The following NBPF9 variants were observed in gnomAD, a reference collection of about 807,000 sequenced individuals.
The protein encoded by NBPF9 is NBPF family member NBPF9.
In NBPF9, 91 loss-of-function variants were observed where a neutral mutation model predicts 97.8. The ratio of observed to expected loss-of-function variants is 0.93; its 90% confidence interval spans 0.79 to 1.11. The LOEUF is 1.11. Ranked by LOEUF, NBPF9 falls within the 50% of genes least tolerant of loss-of-function variation. NBPF9 has a pLI of 0.00. For missense variants in NBPF9, 992 were observed against 939.5 expected (o/e 1.06, Z -0.73); for synonymous variants, 334 against 359.5 (o/e 0.93, Z 0.80).
At chr1:149,090,147 C>T (rs1468861814) in intron 5 of NBPF9, 2 of 150,154 alleles carry the variant, frequency 1.3e-5, no homozygotes, top group Admixed American at 6.7e-5. Flanking sequence ...GCAGACCCAT[C>T]CCTGCTTCTC....
At chr1:149,090,668 A>C in intron 5 of NBPF9, 85 bp downstream of exon 5, 1 of 568,886 alleles carries the variant, frequency 1.8e-6, no homozygotes, top group Non-Finnish European at 3.1e-6. Context: ...GGGCTAGATT[A>C]GAGAGAAAAA....
chr1:149,088,837 G>A (rs2152919148), intron 5 of NBPF9, among the ~76,000 whole-genome samples: 1 of 151,782 alleles, frequency 6.6e-6, no homozygotes, highest in East Asian at 1.9e-4. Context: ...TCTTCCCCAA[G>A]GGATCCAATC....
exon 16 of NBPF9, chr1:149,071,088 T>C (rs781928479): frequency 7.5e-6 from 12 of 1,610,016 alleles, no homozygotes; most frequent in African/African-American, 4.0e-5. Context: ...TGATGGCACA[T>C]TCCTCCAGTG....
intron 1 of NBPF9, among the ~76,000 whole-genome samples, 195 bp downstream of exon 1, chr1:149,103,106 G>A (rs1383440986): frequency 1.3e-5 from 2 of 152,026 alleles, no homozygotes; most frequent in East Asian, 2.0e-4. Context: ...AGGGCTGCGG[G>A]CGGCAGCGGC....
chr1:149,062,803 G>T, intron 21 of NBPF9, 59 bp downstream of exon 21: 1 of 755,660 alleles, frequency 1.3e-6, no homozygotes, highest in South Asian at 1.4e-5. Flanking sequence ...TGTTTTCCCT[G>T]GACCTGGCAT....
At position 149,061,510 on chromosome 1, in the gene NBPF9, A is replaced by G. The variant is rs1238789214; in HGVS notation, c.2252-127T>C. 1.0e-5 allele frequency: 5 copies of G among 484,436 alleles called. 2 individuals carry two copies. The African/African-American group carries it at 1.2e-4, about 12-fold the overall frequency. The allele number at this position is 484,436 out of a possible 1,614,324, so 30.0% of individuals were successfully genotyped here. A position where few individuals can be genotyped will look rare whatever the true frequency, so the allele number is the denominator to read the frequency against. On this transcript the variant is annotated intron_variant, in intron 22 of 29. Transcript: ENST00000584027. ...ATGAGCACAGGACAATGTGACAGAT[A>G]TACTTCAGGAAGCCTGAAAGCTGGT...
At chr1:149,070,591 G>C (rs2079326117) in intron 16 of NBPF9, among the ~76,000 whole-genome samples, 1 of 150,844 alleles carries the variant, frequency 6.6e-6, no homozygotes, top group South Asian at 2.1e-4. Context: ...CCTTAAACAG[G>C]CATAGAAACT....
At chr1:149,068,906 T>C (rs1235496029) in intron 17 of NBPF9, among the ~76,000 whole-genome samples, 26 of 151,102 alleles carry the variant, frequency 1.7e-4, no homozygotes, top group Admixed American at 5.3e-4. Context: ...TGTAAAAGAA[T>C]GGAAATCACA....
chr1:149,070,639 G>A (rs1385185593), intron 16 of NBPF9, among the ~76,000 whole-genome samples: 4 of 151,654 alleles, frequency 2.6e-5, no homozygotes, highest in African/African-American at 7.3e-5. Context: ...CTTAATCACA[G>A]ATGACAAGAG....
intron 21 of NBPF9, 30 bp downstream of exon 21, chr1:149,062,832 A>C (rs1456531639): frequency 5.7e-5 from 38 of 669,674 alleles, no homozygotes; most frequent in Non-Finnish European, 2.7e-5. Flanking sequence ...GTCAACACAG[A>C]ATTAAGCATC....
At chr1:149,079,377 T>C (rs372903858) in intron 8 of NBPF9, among the ~76,000 whole-genome samples, 156 bp from the exon 9 acceptor site, 1 of 151,628 alleles carries the variant, frequency 6.6e-6, no homozygotes, top group Non-Finnish European at 1.5e-5. Flanking sequence ...AGAGAAAGAA[T>C]AGAAAATGGT....
In NBPF9 at chr1:149,073,096, G is replaced by T. The variant is rs587655457; in HGVS notation, c.1092-164C>A. ...GTGGCCAAGAGAAAGAATAGAAAATGGTTTACAGGCTTCCTCTGTATCAGA... is the reference window on the plus strand; with the variant it reads ...GTGGCCAAGAGAAAGAATAGAAAATTGTTTACAGGCTTCCTCTGTATCAGA... On this transcript the variant is annotated intron_variant, in intron 13 of 29. Transcript: ENST00000584027. Among the ~76,000 whole-genome samples, 8 of 149,470 alleles carry T rather than the reference G, an allele frequency of 5.4e-5. No individual in the cohort carries two copies. The East Asian group carries it at 1.4e-3, about 26-fold the overall frequency.
chr1:149,071,603 C>G lies in NBPF9; in HGVS notation c.1379+1G>C. ...AATTGTTCCTGAGTATTCAGTGTTA[C>G]CTGGGGGCAGACGATTTCTGCACTT... On this transcript the variant is annotated splice_donor_variant, in intron 15 of 29. Coordinates refer to ENST00000584027, the Ensembl canonical transcript of NBPF9. LOFTEE classifies it high-confidence loss of function. The G allele has an allele frequency of 7.7e-7, 1 of 1,291,632 alleles. No individual in the cohort carries two copies. Among genetic ancestry groups the G allele is most frequent in the Non-Finnish European group, 1.1e-6 (1 of 923,478 alleles). The allele number at this position is 1,291,632 out of a possible 1,614,324, so 80.0% of individuals were successfully genotyped here. A position where few individuals can be genotyped will look rare whatever the true frequency, so the allele number is the denominator to read the frequency against.
intron 5 of NBPF9, among the ~76,000 whole-genome samples, chr1:149,087,385 G>A (rs1310526259): frequency 2.0e-5 from 3 of 149,388 alleles, no homozygotes; most frequent in Non-Finnish European, 4.4e-5. Context: ...ATATATATAT[G>A]TCCTAAGAAT....
At chr1:149,068,193 T>C (rs1362234975) in intron 17 of NBPF9, among the ~76,000 whole-genome samples, 1 of 148,976 alleles carries the variant, frequency 6.7e-6, no homozygotes, top group African/African-American at 2.5e-5. Context: ...TAAAGACCAT[T>C]GACGCTAGGA....
chr1:149,099,181 G>A lies in NBPF9; in HGVS notation c.-605-475C>T, dbSNP rs2081982568. Among the ~76,000 whole-genome samples the A allele has an allele frequency of 2.0e-5, 3 of 152,228 alleles. No individual in the cohort carries two copies. In the South Asian group the frequency reaches 6.2e-4, roughly 32 times the overall value. On this transcript the variant is annotated intron_variant, in intron 3 of 29. Coordinates refer to ENST00000584027, the Ensembl canonical transcript of NBPF9. ...TTCTGTTAGGGAATTAAGAGTGTGT[G>A]GGTGTAGTTAATGCTTCTTTGGAAT...
intron 11 of NBPF9, among the ~76,000 whole-genome samples, chr1:149,076,655 A>C (rs1553654433): frequency 7.0e-6 from 1 of 143,876 alleles, no homozygotes. Context: ...GGCGCCCACC[A>C]CCACGCCCAG....
In NBPF9 at chr1:149,061,128, C is replaced by A; in HGVS notation, c.2303+204G>T. On this transcript the variant is annotated intron_variant, in intron 23 of 29. Transcript: ENST00000584027. ...ATAGAGTTTTTGAAGTCTGGTCCACCTACAGTAGGTTAGTAAATGATAAGG... is the reference window on the plus strand; with the variant it reads ...ATAGAGTTTTTGAAGTCTGGTCCACATACAGTAGGTTAGTAAATGATAAGG... The A allele has an allele frequency of 5.2e-6, 2 of 385,104 alleles. 1 individual carries two copies. Among genetic ancestry groups the A allele is most frequent in the Non-Finnish European group, 9.6e-6 (2 of 207,434 alleles). The allele number at this position is 385,104 out of a possible 1,614,324, so 23.9% of individuals were successfully genotyped here. A position where few individuals can be genotyped will look rare whatever the true frequency, so the allele number is the denominator to read the frequency against.
intron 17 of NBPF9, among the ~76,000 whole-genome samples, chr1:149,068,426 A>G (rs1215743164): frequency 6.7e-6 from 1 of 149,880 alleles, no homozygotes; most frequent in African/African-American, 2.5e-5. Context: ...AAAGGGATGG[A>G]GGAAGATCTA....
Sources: allele counts gnomAD v4.1 joint callset (sites outside exome capture counted in the v4.1 genomes callset), GRCh38; gene constraint gnomAD v4.1.1; transcripts MANE v1.5; gene names NCBI Gene and HGNC (gene_info 2026-07-23, HGNC 2026-07-21).